Variants in CFAP299 observed in about 807,000 individuals in gnomAD.
The protein encoded by CFAP299 is cilia and flagella associated protein 299, also known as cilia- and flagella-associated protein 299.
A neutral mutation model predicts 27.0 loss-of-function variants in CFAP299; 21 were observed. The ratio of observed to expected loss-of-function variants is 0.78; its 90% CI spans 0.55 to 1.12. The LOEUF (loss-of-function observed/expected upper bound fraction) is 1.12, where lower values mean the gene tolerates loss of function less well. Ranked by LOEUF, CFAP299 falls within the 50% of genes most tolerant of loss-of-function variation. The probability of loss-of-function intolerance (pLI) is 0.00; values close to 1 mark genes in which losing one functional copy is unlikely to be tolerated. For missense variants in CFAP299, 310 were observed against 276.6 expected, an observed-to-expected ratio of 1.12 and a Z score of -0.86; for synonymous variants, 104 against 98.1, an observed-to-expected ratio of 1.06 and a Z score of -0.36.
At position 80,661,048 on chromosome 4, in the gene CFAP299, G is replaced by A. The variant is rs1295469704; in HGVS notation, c.333+77865G>A. On this transcript the variant is annotated intron_variant, in intron 3 of 5. Transcript: ENST00000358105. ...CTCCGTTAAAGTGATGATGGGAGCC[G>A]GGCACGGTGGCTCACACCTGTAATC... Among the ~76,000 whole-genome samples the A allele has an allele frequency of 6.7e-5, 10 of 150,354 alleles. 2 individuals are homozygous for A. The highest frequency in any genetic ancestry group is 2.2e-4 in the South Asian group (1 of 4,632).
chr4:80,778,707 C>T (rs893736483), intron 3 of CFAP299, among the ~76,000 whole-genome samples: 19 of 152,088 alleles, frequency 1.2e-4, no homozygotes, highest in African/African-American at 3.1e-4. Context: ...GATAGGGAAC[C>T]AACTACATCT....
In CFAP299 at chr4:80,817,725, CT is replaced by C. The variant is rs34113155; in HGVS notation, c.334-52258del. 8.4e-4 allele frequency among the ~76,000 whole-genome samples: 126 copies of C among 150,242 alleles called. 1 individual carries two copies. Among genetic ancestry groups the C allele is most frequent in the Non-Finnish European group, 5.8e-4 (39 of 67,396 alleles). On this transcript the variant is annotated intron_variant, in intron 3 of 5. Transcript: ENST00000358105. ...CATTTTTGTATGTAAGTACAAACAACTTTTTTTTTTCCAAATTTCTCTTTAC... is the reference window on the plus strand; with the variant it reads ...CATTTTTGTATGTAAGTACAAACAACTTTTTTTTTCCAAATTTCTCTTTAC...
chr4:80,386,348 G>T (rs569207121), intron 2 of CFAP299: 4 of 1,405,644 alleles, frequency 2.8e-6, no homozygotes, highest in South Asian at 1.2e-5. Context: ...AAAGCTCCGC[G>T]TTCAGCTCTG....
intron 3 of CFAP299, among the ~76,000 whole-genome samples, chr4:80,799,695 T>C (rs1358173219): frequency 7.0e-5 from 4 of 57,002 alleles, no homozygotes; most frequent in Non-Finnish European, 8.5e-5. Flanking sequence ...ATATATAATA[T>C]ATAAAATATA....
At chr4:80,380,723 C>T (rs1724660388) in intron 2 of CFAP299, among the ~76,000 whole-genome samples, 1 of 152,084 alleles carries the variant, frequency 6.6e-6, no homozygotes, top group Non-Finnish European at 1.5e-5. Flanking sequence ...GCCACCATGC[C>T]TTGACTCATT....
At chr4:80,699,880 G>A (rs1721361739) in intron 3 of CFAP299, among the ~76,000 whole-genome samples, 1 of 152,252 alleles carries the variant, frequency 6.6e-6, no homozygotes, top group African/African-American at 2.4e-5. Flanking sequence ...AGTTTCTATT[G>A]TGAATATCGT....
intron 4 of CFAP299, among the ~76,000 whole-genome samples, chr4:80,886,101 C>G (rs375055921): frequency 6.6e-6 from 1 of 152,118 alleles, no homozygotes; most frequent in Non-Finnish European, 1.5e-5. Flanking sequence ...GTAATGGGCA[C>G]AGGGAGTGGC....
chr4:80,863,060 C>A (rs147518630), intron 3 of CFAP299, among the ~76,000 whole-genome samples: 1 of 152,054 alleles, frequency 6.6e-6, no homozygotes, highest in Admixed American at 6.6e-5. Context: ...TAGCACATAA[C>A]GATTCCTTCA....
chr4:80,439,360 T>A (rs371662440), intron 2 of CFAP299, among the ~76,000 whole-genome samples: 1 of 152,100 alleles, frequency 6.6e-6, no homozygotes, highest in African/African-American at 2.4e-5. Context: ...GCTCATCTCA[T>A]TGGGACTGGT....
At chr4:80,717,224 A>G (rs1722541320) in intron 3 of CFAP299, among the ~76,000 whole-genome samples, 1 of 152,140 alleles carries the variant, frequency 6.6e-6, no homozygotes, top group African/African-American at 2.4e-5. Context: ...GGGTGGTGAC[A>G]TAGGACCACT....
chr4:80,807,736 C>T (rs1020202611), intron 3 of CFAP299, among the ~76,000 whole-genome samples: 27 of 151,954 alleles, frequency 1.8e-4, no homozygotes, highest in African/African-American at 3.9e-4. Context: ...AAAATCTGAT[C>T]GTGGTTTACT....
intron 4 of CFAP299, among the ~76,000 whole-genome samples, chr4:80,924,854 A>G (rs1012888309): frequency 3.3e-5 from 5 of 151,784 alleles, no homozygotes; most frequent in African/African-American, 1.2e-4. Flanking sequence ...AGCAATGCTT[A>G]TGCTTATTAC....
intron 2 of CFAP299, among the ~76,000 whole-genome samples, chr4:80,373,263 A>G (rs1256551125): frequency 6.6e-6 from 1 of 151,878 alleles, no homozygotes; most frequent in Non-Finnish European, 1.5e-5. Context: ...GATTCTTTGG[A>G]TCTCTAGATA....
At chr4:80,516,158 T>G (rs1317116973) in intron 2 of CFAP299, among the ~76,000 whole-genome samples, 1 of 151,746 alleles carries the variant, frequency 6.6e-6, no homozygotes, top group Non-Finnish European at 1.5e-5. Flanking sequence ...GTAGCTGGGA[T>G]TACAGGTGCC....
At chr4:80,687,082 A>G (rs1193722603) in intron 3 of CFAP299, among the ~76,000 whole-genome samples, 2 of 152,208 alleles carry the variant, frequency 1.3e-5, no homozygotes, top group African/African-American at 4.8e-5. Flanking sequence ...TCATTCCAAC[A>G]TCTGGCCCAA....
chr4:80,447,119 GTTTTTTTTTTGT>G lies in CFAP299; in HGVS notation c.242+84246_242+84257del, dbSNP rs1212509683. Among the ~76,000 whole-genome samples, 53 of 65,530 alleles carry G rather than the reference GTTTTTTTTTTGT, an allele frequency of 8.1e-4. 1 individual carries two copies. The highest frequency in any genetic ancestry group is 2.3e-3 in the African/African-American group (49 of 21,164). 43.0% of individuals were successfully genotyped at this position (65,530 alleles called of 152,430 possible). A position where few individuals can be genotyped will look rare whatever the true frequency, so the allele number is the denominator to read the frequency against. ...TTGTTTTTGTTTTTGCTTTTTATTT[GTTTTTTTTTTGT>G]TTTTTTTTTTTTTTTTTTTTTTGAG... is the stretch of plus-strand genomic sequence containing the variant. On this transcript the variant is annotated intron_variant, in intron 2 of 5. Transcript: ENST00000358105.
chr4:80,894,275 G>C (rs538714659), intron 4 of CFAP299, among the ~76,000 whole-genome samples: 14 of 151,922 alleles, frequency 9.2e-5, no homozygotes, highest in Non-Finnish European at 1.9e-4. Context: ...GCTAAACCTA[G>C]AGTCAGTTTC....
intron 3 of CFAP299, among the ~76,000 whole-genome samples, chr4:80,698,705 A>C (rs561407496): frequency 6.6e-6 from 1 of 152,346 alleles, no homozygotes; most frequent in South Asian, 2.1e-4. Context: ...TGGCTGGAGA[A>C]GCCTCAGGAA....
At chr4:80,734,741 G>A (rs980746339) in intron 3 of CFAP299, among the ~76,000 whole-genome samples, 10 of 152,044 alleles carry the variant, frequency 6.6e-5, no homozygotes, top group Admixed American at 2.0e-4. Flanking sequence ...CCCATTGTAC[G>A]TTTTTGGCAC....
Sources: allele counts gnomAD v4.1 joint callset (sites outside exome capture counted in the v4.1 genomes callset), GRCh38; gene constraint gnomAD v4.1.1; transcripts MANE v1.5; gene names NCBI Gene and HGNC (gene_info 2026-07-23, HGNC 2026-07-21).